UBE2H: variants seen among roughly 807,000 people sequenced by gnomAD.
The protein encoded by UBE2H is ubiquitin conjugating enzyme E2 H.
In UBE2H, 3 loss-of-function variants were observed where a neutral mutation model predicts 29.0. That is an observed-to-expected ratio of 0.10 (90% CI 0.05 to 0.27). The LOEUF (loss-of-function observed/expected upper bound fraction) is 0.27. UBE2H is among the 10% of genes least tolerant of loss of function. UBE2H has a pLI of 1.00. For missense variants in UBE2H, 68 were observed against 228.2 expected (o/e 0.30, Z 4.52); for synonymous variants, 69 against 82.9 (o/e 0.83, Z 0.91).
chr7:129,897,538 G>A (rs1160954156), intron 1 of UBE2H, among the ~76,000 whole-genome samples: 1 of 152,092 alleles, frequency 6.6e-6, no homozygotes, highest in African/African-American at 2.4e-5. Flanking sequence ...CCTTTTTAAA[G>A]CAATACATGC....
intron 1 of UBE2H, among the ~76,000 whole-genome samples, chr7:129,941,878 T>A (rs2116518615): frequency 6.6e-6 from 1 of 152,158 alleles, no homozygotes; most frequent in South Asian, 2.1e-4. Flanking sequence ...AAATAACTCT[T>A]AAGATGCCAA....
rs143801349 is a variant in UBE2H at position 129,945,848 on chromosome 7, T to C, written c.53+6655A>G. Among the ~76,000 whole-genome samples, 551 of 152,192 alleles carry C rather than the reference T, an allele frequency of 3.6e-3. 3 individuals are homozygous for C. The highest frequency in any genetic ancestry group is 0.012 in the African/African-American group (493 of 41,546). On this transcript the variant is annotated intron_variant, in intron 1 of 6. Coordinates refer to ENST00000355621, the MANE Select transcript of UBE2H (RefSeq NM_003344.4). ...CTCCACCTCCCAGGTTCAAGCGAAT[T>C]GATTCTCCTGCCTCAACCTCCCAAG...
At chr7:129,885,669 T>C (rs578046982) in intron 1 of UBE2H, among the ~76,000 whole-genome samples, 6 of 152,328 alleles carry the variant, frequency 3.9e-5, no homozygotes, top group African/African-American at 1.4e-4. Flanking sequence ...GTCTACCTCA[T>C]ATGAAAACCC....
intron 1 of UBE2H, among the ~76,000 whole-genome samples, chr7:129,885,777 T>G (rs1806348099): frequency 6.6e-6 from 1 of 152,134 alleles, no homozygotes. Flanking sequence ...AGGCACTAAA[T>G]GAGATAGAAA....
chr7:129,884,233 C>T (rs868440075), intron 1 of UBE2H, among the ~76,000 whole-genome samples: 7 of 152,006 alleles, frequency 4.6e-5, no homozygotes, highest in Non-Finnish European at 7.4e-5. Flanking sequence ...CTGGTTAACA[C>T]GGTGAAACCC....
intron 1 of UBE2H, among the ~76,000 whole-genome samples, chr7:129,915,945 C>A (rs1807035398): frequency 6.6e-6 from 1 of 152,174 alleles, no homozygotes; most frequent in Non-Finnish European, 1.5e-5. Context: ...TTTAAAAATT[C>A]CTTGACCTCT....
chr7:129,914,681 TGA>T (rs2116455524), intron 1 of UBE2H, among the ~76,000 whole-genome samples: 1 of 152,334 alleles, frequency 6.6e-6, no homozygotes, highest in South Asian at 2.1e-4. Context: ...TTATCTTCTC[TGA>T]GCCCACTCCC....
chr7:129,891,810 C>CAAAAAAAAAAAAA (rs60595166), intron 1 of UBE2H, among the ~76,000 whole-genome samples: 2 of 145,530 alleles, frequency 1.4e-5, no homozygotes, highest in African/African-American at 2.6e-5. Context: ...AAAACAAAAA[C>CAAAAAAAAAAAAA]AAAAAAAAAA....
intron 1 of UBE2H, among the ~76,000 whole-genome samples, chr7:129,944,718 ACAC>A (rs1563054826): frequency 2.4e-4 from 18 of 75,342 alleles, no homozygotes; most frequent in African/African-American, 8.7e-4. Context: ...CGCTCAAAAC[ACAC>A]ACACACACAC....
At position 129,866,500 on chromosome 7, in the gene UBE2H, A is replaced by G. The variant is rs1377019983; in HGVS notation, c.206-7559T>C. Among the ~76,000 whole-genome samples the G allele has an allele frequency of 5.9e-5, 9 of 152,290 alleles. No individual in the cohort carries two copies. The East Asian group carries it at 1.7e-3, about 29-fold the overall frequency. The stretch of plus-strand genomic sequence containing the variant: ...TTCATATAACCACACTGTTGGGTTC[A>G]GGCAGTACTTATTTTCATGGTCAGA... On this transcript the variant is annotated intron_variant, in intron 3 of 6. Transcript: ENST00000355621.
chr7:129,874,502 G>C (rs903088285), intron 3 of UBE2H, among the ~76,000 whole-genome samples: 1 of 151,920 alleles, frequency 6.6e-6, no homozygotes, highest in Non-Finnish European at 1.5e-5. Flanking sequence ...GTAGAGACGG[G>C]GTTTCACTGT....
chr7:129,912,979 C>T (rs1393134421), intron 1 of UBE2H, among the ~76,000 whole-genome samples: 3 of 152,068 alleles, frequency 2.0e-5, no homozygotes, highest in East Asian at 3.9e-4. Flanking sequence ...GGGCCAGGTG[C>T]GGTGGTCACG....
intron 1 of UBE2H, among the ~76,000 whole-genome samples, chr7:129,882,625 T>C (rs1482421400): frequency 6.6e-6 from 1 of 152,200 alleles, no homozygotes; most frequent in East Asian, 1.9e-4. Flanking sequence ...CTTAGAAACA[T>C]GCACACTAAA....
chr7:129,896,538 T>C (rs781090211), intron 1 of UBE2H, among the ~76,000 whole-genome samples: 2 of 151,862 alleles, frequency 1.3e-5, no homozygotes, highest in Admixed American at 1.3e-4. Flanking sequence ...CCCCAGTAGC[T>C]TGGATTACAG....
chr7:129,935,447 A>C (rs1266058629), intron 1 of UBE2H, among the ~76,000 whole-genome samples: 2 of 151,776 alleles, frequency 1.3e-5, no homozygotes, highest in Non-Finnish European at 2.9e-5. Context: ...AGAAAATATA[A>C]CTCAGGTAAT....
intron 3 of UBE2H, among the ~76,000 whole-genome samples, chr7:129,867,868 G>C (rs1805946483): frequency 6.6e-6 from 1 of 150,626 alleles, no homozygotes; most frequent in Non-Finnish European, 1.5e-5. Flanking sequence ...GATGGACTCT[G>C]CAACTAGTGC....
Position 129,890,320 on chromosome 7 carries a change from TG to T in UBE2H, c.54-9350del, listed in dbSNP as rs567266887. Among the ~76,000 whole-genome samples, 191 of 151,872 alleles carry T rather than the reference TG, an allele frequency of 1.3e-3. 1 individual carries two copies. The highest frequency in any genetic ancestry group is 4.3e-3 in the African/African-American group (177 of 41,412). ...ATGTATACATACGTGTATATATGTA[TG>T]TATATATACGTGTGTATATATATGT... On this transcript the variant is annotated intron_variant, in intron 1 of 6. Coordinates refer to ENST00000355621, the MANE Select transcript of UBE2H (RefSeq NM_003344.4).
intron 1 of UBE2H, among the ~76,000 whole-genome samples, chr7:129,919,100 TAAAAAAAAA>T (rs1204331286): frequency 1.4e-5 from 1 of 72,186 alleles, no homozygotes; most frequent in Admixed American, 1.7e-4. Flanking sequence ...AAAAACAAAG[TAAAAAAAAA>T]AAAAAAAAAA....
At chr7:129,888,537 T>C in intron 1 of UBE2H, among the ~76,000 whole-genome samples, 1 of 152,200 alleles carries the variant, frequency 6.6e-6, no homozygotes, top group East Asian at 1.9e-4. Flanking sequence ...TGCAGTGGCC[T>C]GATCTCAGCT....
Sources: gnomAD v4.1 joint callset for allele counts (sites outside exome capture counted in the v4.1 genomes callset) on GRCh38, gnomAD v4.1.1 for gene constraint, MANE v1.5 for transcripts, NCBI Gene and HGNC (gene_info 2026-07-23, HGNC 2026-07-21) for gene names.